Variants in CD109 observed in about 807,000 individuals in gnomAD.
CD109 encodes the protein CD109 antigen.
In CD109, 149 loss-of-function variants were observed where a neutral mutation model predicts 165.8. The observed-to-expected ratio is 0.90, with a 90% CI of 0.79 to 1.03. The LOEUF (loss-of-function observed/expected upper bound fraction) is 1.03. Among genes scored for constraint, CD109 ranks in the 50% least tolerant of loss-of-function variants. The pLI is 0.00. For missense variants in CD109, 1,712 were observed against 1,677.8 expected (o/e 1.02, Z -0.36); for synonymous variants, 585 against 592.1 (o/e 0.99, Z 0.18).
At chr6:73,768,259 A>T in intron 14 of CD109, 28 bp downstream of exon 14, 1 of 1,379,866 alleles carries the variant, frequency 7.2e-7, no homozygotes, top group Admixed American at 1.9e-5. Flanking sequence ...GATGTTTAAA[A>T]GAAAACTTTA....
At chr6:73,808,946 A>C (rs1013853221) in intron 26 of CD109, among the ~76,000 whole-genome samples, 1 of 151,144 alleles carries the variant, frequency 6.6e-6, no homozygotes, top group Non-Finnish European at 1.5e-5. Flanking sequence ...AAGTGTTTAG[A>C]GGCTTCTGAG....
chr6:73,721,036 C>T (rs1396514691), intron 2 of CD109, among the ~76,000 whole-genome samples: 1 of 152,238 alleles, frequency 6.6e-6, no homozygotes, highest in Non-Finnish European at 1.5e-5. Flanking sequence ...TAGGTGCCTT[C>T]CCTTCATCCC....
upstream of CD109, chr6:73,695,901 G>A (rs1770803754): frequency 5.2e-6 from 2 of 388,126 alleles, no homozygotes; most frequent in Admixed American, 8.9e-5. Context: ...AAGTGGGCGC[G>A]CTCTGTTCTC....
At position 73,730,330 on chromosome 6, in the gene CD109, C is replaced by CT; in HGVS notation, c.277-9dup. On this transcript the variant is annotated splice_polypyrimidine_tract_variant and intron_variant, in intron 3 of 32. Transcript: ENST00000287097. ...ATAATGAGACCTTGATGTGTGATCTCTTTTTCCCCCCAGCTACCTCTGAAC... is the reference window on the plus strand; with the variant it reads ...ATAATGAGACCTTGATGTGTGATCTCTTTTTTCCCCCCAGCTACCTCTGAAC... The CT allele has an allele frequency of 6.5e-7, 1 of 1,534,078 alleles. No individual in the cohort carries two copies. Among genetic ancestry groups the CT allele is most frequent in the South Asian group, 1.2e-5 (1 of 86,592 alleles).
chr6:73,752,360 T>C (rs1360992528), intron 5 of CD109, among the ~76,000 whole-genome samples: 1 of 152,224 alleles, frequency 6.6e-6, no homozygotes, highest in African/African-American at 2.4e-5. Flanking sequence ...GTTGTAGTAA[T>C]TCACATGTCT....
intron 5 of CD109, among the ~76,000 whole-genome samples, chr6:73,754,403 T>C (rs1773306509): frequency 6.6e-6 from 1 of 151,754 alleles, no homozygotes; most frequent in Non-Finnish European, 1.5e-5. Context: ...CAAAAGACAA[T>C]GGTGTTTAGA....
intron 23 of CD109, among the ~76,000 whole-genome samples, chr6:73,793,884 T>A (rs1434226791): frequency 6.6e-6 from 1 of 152,232 alleles, no homozygotes; most frequent in Non-Finnish European, 1.5e-5. Context: ...TTCACTATAA[T>A]CTAAGAGAAA....
chr6:73,737,709 G>A (rs1035315954), intron 5 of CD109, among the ~76,000 whole-genome samples: 12 of 152,168 alleles, frequency 7.9e-5, no homozygotes, highest in Admixed American at 2.0e-4. Flanking sequence ...TGTAGAGAAA[G>A]TGGAAAGAGT....
chr6:73,752,126 A>C (rs538481250), intron 5 of CD109, among the ~76,000 whole-genome samples: 1 of 152,350 alleles, frequency 6.6e-6, no homozygotes, highest in African/African-American at 2.4e-5. Context: ...CCATAAAAGA[A>C]CATAATGAAC....
intron 7 of CD109, among the ~76,000 whole-genome samples, chr6:73,760,730 C>G (rs183708141): frequency 7.2e-5 from 11 of 152,124 alleles, no homozygotes; most frequent in African/African-American, 2.4e-4. Context: ...CCTATAATCC[C>G]AGCTATTCGG....
intron 2 of CD109, among the ~76,000 whole-genome samples, chr6:73,705,707 G>A (rs1771243621): frequency 6.6e-6 from 1 of 152,092 alleles, no homozygotes; most frequent in Non-Finnish European, 1.5e-5. Flanking sequence ...TGTCTCAGAA[G>A]CCAAGGGAAG....
At chr6:73,767,127 T>C in intron 13 of CD109, 117 bp downstream of exon 13, 1 of 800,330 alleles carries the variant, frequency 1.2e-6, no homozygotes. Context: ...GTCATGGGGG[T>C]TTGTTGTACA....
intron 3 of CD109, among the ~76,000 whole-genome samples, chr6:73,726,338 G>T (rs1772142562): frequency 6.6e-6 from 1 of 152,112 alleles, no homozygotes; most frequent in Non-Finnish European, 1.5e-5. Flanking sequence ...TATAAATATT[G>T]TTTTGTACAC....
intron 23 of CD109, among the ~76,000 whole-genome samples, chr6:73,795,943 G>C (rs1367532873): frequency 6.6e-6 from 1 of 152,166 alleles, no homozygotes; most frequent in African/African-American, 2.4e-5. Flanking sequence ...TATTCAACAC[G>C]TAGTAAGTGC....
At chr6:73,760,079 A>G (rs1224727232) in intron 7 of CD109, among the ~76,000 whole-genome samples, 2 of 152,244 alleles carry the variant, frequency 1.3e-5, no homozygotes, top group East Asian at 3.9e-4. Flanking sequence ...GCATTTCACA[A>G]TAGAGATAGA....
intron 23 of CD109, among the ~76,000 whole-genome samples, chr6:73,799,331 A>G (rs75661476): frequency 3.0e-4 from 45 of 152,314 alleles, no homozygotes; most frequent in African/African-American, 1.0e-3. Context: ...TTTGAGACAT[A>G]TATTCAAAAG....
chr6:73,825,208 A>G lies in CD109; in HGVS notation c.*1575A>G, dbSNP rs932284586. On this transcript the variant is annotated 3_prime_UTR_variant, in exon 33 of 33. Transcript: ENST00000287097. ...AGTATTTTAAAGCTGGCAAACCTGTACATAGAAAATAGATCCCCAGACAGT... is the reference window on the plus strand; with the variant it reads ...AGTATTTTAAAGCTGGCAAACCTGTGCATAGAAAATAGATCCCCAGACAGT... The G allele has an allele frequency of 2.4e-4, 36 of 152,338 alleles. No individual in the cohort carries two copies. Among genetic ancestry groups the G allele is most frequent in the African/African-American group, 8.2e-4 (34 of 41,584 alleles). 9.4% of individuals were successfully genotyped at this position (152,338 alleles called of 1,614,324 possible). A position where few individuals can be genotyped will look rare whatever the true frequency, so the allele number is the denominator to read the frequency against.
intron 4 of CD109, among the ~76,000 whole-genome samples, chr6:73,731,832 A>G (rs554315308): frequency 2.0e-5 from 3 of 152,368 alleles, no homozygotes; most frequent in African/African-American, 7.2e-5. Flanking sequence ...GAGATAATTC[A>G]AGTAAACCAT....
chr6:73,704,179 CAAA>C (rs58505053), intron 2 of CD109, among the ~76,000 whole-genome samples: 6 of 79,242 alleles, frequency 7.6e-5, no homozygotes, highest in Admixed American at 3.0e-4. Flanking sequence ...GACTCCATCT[CAAA>C]AAAAAAAAAA....
Sources: allele counts gnomAD v4.1 joint callset (sites outside exome capture counted in the v4.1 genomes callset), GRCh38; gene constraint gnomAD v4.1.1; transcripts MANE v1.5; gene names NCBI Gene and HGNC (gene_info 2026-07-23, HGNC 2026-07-21).